Variants in ZNF385D observed in about 807,000 individuals in gnomAD.
The protein encoded by ZNF385D is zinc finger protein 385D, also known as zinc finger protein 659.
ZNF385D carries 15 observed loss-of-function variants against 35.8 expected under a neutral mutation model. The ratio of observed to expected loss-of-function variants is 0.42; its 90% CI spans 0.28 to 0.64. The LOEUF is 0.64. Ranked by LOEUF, ZNF385D falls within the 30% of genes least tolerant of loss-of-function variation. The probability of loss-of-function intolerance (pLI) is 0.23; values close to 1 mark genes in which losing one functional copy is unlikely to be tolerated. For missense variants in ZNF385D, 474 were observed against 494.6 expected (o/e 0.96, Z 0.39); for synonymous variants, 212 against 186.8 (o/e 1.13, Z -1.10).
intron 2 of ZNF385D, among the ~76,000 whole-genome samples, chr3:22,303,041 T>C (rs1380367521): frequency 6.6e-6 from 1 of 152,160 alleles, no homozygotes; most frequent in Non-Finnish European, 1.5e-5. Flanking sequence ...ATGTTGTTAA[T>C]TGCATTCTGC....
intron 5 of ZNF385D, among the ~76,000 whole-genome samples, chr3:21,434,508 G>A (rs1210911944): frequency 6.6e-6 from 1 of 152,196 alleles, no homozygotes; most frequent in African/African-American, 2.4e-5. Context: ...CAGTATGCAT[G>A]TGGCAGTTGT....
At chr3:21,777,632 G>A (rs966866089) in intron 3 of ZNF385D, 2 of 151,860 alleles carry the variant, frequency 1.3e-5, no homozygotes, top group Admixed American at 6.6e-5. Flanking sequence ...TGGAGACTGC[G>A]TCTTTGGGCC....
chr3:21,762,750 G>C (rs999573456), intron 3 of ZNF385D, among the ~76,000 whole-genome samples: 1 of 152,120 alleles, frequency 6.6e-6, no homozygotes, highest in Non-Finnish European at 1.5e-5. Context: ...GCTGTGGAGA[G>C]CTGCCTTGTC....
At chr3:21,716,832 C>A (rs1289167714) in intron 1 of ZNF385D, among the ~76,000 whole-genome samples, 1 of 152,074 alleles carries the variant, frequency 6.6e-6, no homozygotes, top group African/African-American at 2.4e-5. Flanking sequence ...CAGCGCCTAA[C>A]AAAATTTCCA....
chr3:21,550,716 C>G (rs1044005775), intron 3 of ZNF385D, among the ~76,000 whole-genome samples: 1 of 152,172 alleles, frequency 6.6e-6, no homozygotes, highest in Admixed American at 6.5e-5. Context: ...TTCCTGACCT[C>G]GTGATCCACC....
chr3:22,174,832 A>G (rs2125768536), intron 2 of ZNF385D, among the ~76,000 whole-genome samples: 1 of 152,218 alleles, frequency 6.6e-6, no homozygotes, highest in South Asian at 2.1e-4. Flanking sequence ...TATATTCTTA[A>G]GTTTTAGTAA....
intron 3 of ZNF385D, among the ~76,000 whole-genome samples, chr3:21,965,726 T>C (rs1702876831): frequency 6.6e-6 from 1 of 152,208 alleles, no homozygotes; most frequent in Non-Finnish European, 1.5e-5. Flanking sequence ...AATTTCCTGA[T>C]GTTGATAACT....
At position 22,178,443 on chromosome 3, in the gene ZNF385D, G is replaced by C. The variant is rs1694984511; in HGVS notation, c.107-9408C>G. Among the ~76,000 whole-genome samples, 3 of 152,050 alleles carry C rather than the reference G, an allele frequency of 2.0e-5. 1 individual carries two copies. The highest frequency in any genetic ancestry group is 7.2e-5 in the African/African-American group (3 of 41,412). Reference sequence around the variant, plus strand: ...TTGTTGATGGGGTTGTTTTTTTCTTGTAAATTTGTTTGAGTTCTTTGTAGA... The same window carrying C: ...TTGTTGATGGGGTTGTTTTTTTCTTCTAAATTTGTTTGAGTTCTTTGTAGA... On this transcript the variant is annotated intron_variant, in intron 2 of 5. Transcript: ENST00000494108.
intron 3 of ZNF385D, among the ~76,000 whole-genome samples, chr3:22,136,793 G>C: frequency 6.6e-6 from 1 of 152,106 alleles, no homozygotes; most frequent in East Asian, 1.9e-4. Context: ...AAAAGACATG[G>C]AGGAAACTTA....
At chr3:21,877,046 C>A (rs1210582522) in intron 3 of ZNF385D, among the ~76,000 whole-genome samples, 2 of 151,964 alleles carry the variant, frequency 1.3e-5, no homozygotes, top group African/African-American at 4.8e-5. Context: ...AGTAAAACAC[C>A]ATTACTGTGA....
chr3:22,345,407 A>G (rs1458169337), intron 2 of ZNF385D, among the ~76,000 whole-genome samples: 1 of 152,218 alleles, frequency 6.6e-6, no homozygotes, highest in African/African-American at 2.4e-5. Context: ...ATAAAGTAAA[A>G]TCCTGATTTC....
At chr3:21,831,279 G>A (rs1275860469) in intron 3 of ZNF385D, among the ~76,000 whole-genome samples, 11 of 152,090 alleles carry the variant, frequency 7.2e-5, no homozygotes, top group Non-Finnish European at 1.5e-4. Context: ...CATTTGAAGG[G>A]AAGAGGAGCA....
chr3:21,807,131 T>C (rs2072687308), intron 3 of ZNF385D, among the ~76,000 whole-genome samples: 1 of 152,206 alleles, frequency 6.6e-6, no homozygotes, highest in Non-Finnish European at 1.5e-5. Flanking sequence ...TAATTTTCAA[T>C]CTTCTAAAAG....
intron 4 of ZNF385D, among the ~76,000 whole-genome samples, chr3:21,453,958 A>G (rs1427333946): frequency 2.0e-5 from 3 of 152,130 alleles, no homozygotes; most frequent in African/African-American, 7.2e-5. Context: ...AACAACCCAA[A>G]TGGAAGAGTG....
chr3:22,044,393 C>G (rs1025239304), intron 3 of ZNF385D, among the ~76,000 whole-genome samples: 10 of 152,060 alleles, frequency 6.6e-5, no homozygotes, highest in African/African-American at 2.4e-4. Context: ...TAGATCTGAG[C>G]ACCCTTTGGC....
At chr3:21,608,178 T>G (rs1379783433) in intron 2 of ZNF385D, among the ~76,000 whole-genome samples, 1 of 151,958 alleles carries the variant, frequency 6.6e-6, no homozygotes, top group Non-Finnish European at 1.5e-5. Flanking sequence ...CTTGGCTAAT[T>G]TTTTGTGGTT....
At chr3:21,867,826 A>G (rs1697455785) in intron 3 of ZNF385D, among the ~76,000 whole-genome samples, 1 of 152,046 alleles carries the variant, frequency 6.6e-6, no homozygotes, top group Non-Finnish European at 1.5e-5. Context: ...TTCTAAGATG[A>G]TAGAAATGTT....
At chr3:21,784,430 T>C (rs2071607243) in intron 3 of ZNF385D, among the ~76,000 whole-genome samples, 1 of 152,132 alleles carries the variant, frequency 6.6e-6, no homozygotes, top group Admixed American at 6.5e-5. Context: ...AGTGTGTTAA[T>C]ATATAGATTT....
chr3:21,603,545 T>C (rs564788436), intron 2 of ZNF385D, among the ~76,000 whole-genome samples: 1 of 152,320 alleles, frequency 6.6e-6, no homozygotes, highest in East Asian at 1.9e-4. Context: ...AAAAAAATAA[T>C]GAGCTAGTTC....
Sources: gnomAD v4.1 joint callset for allele counts (sites outside exome capture counted in the v4.1 genomes callset) on GRCh38, gnomAD v4.1.1 for gene constraint, MANE v1.5 for transcripts, NCBI Gene and HGNC (gene_info 2026-07-23, HGNC 2026-07-21) for gene names.